Variants in MAP4 observed in about 807,000 individuals in gnomAD.
MAP4 encodes the protein microtubule associated protein 4.
MAP4 carries 76 observed loss-of-function variants against 170.2 expected under a neutral mutation model. That is an observed-to-expected ratio of 0.45 (90% CI 0.37 to 0.54). The LOEUF (loss-of-function observed/expected upper bound fraction) is 0.54. MAP4 is among the 20% of genes least tolerant of loss of function. The pLI, the probability that MAP4 is intolerant of heterozygous loss-of-function variation, is 0.00. For synonymous variants in MAP4, 909 were observed against 994.5 expected, an observed-to-expected ratio of 0.91 and a Z score of 1.62; for missense variants, 2,506 against 2,748.0, an observed-to-expected ratio of 0.91 and a Z score of 1.97.
At chr3:47,915,282 A>G (rs1251161991) in intron 7 of MAP4, among the ~76,000 whole-genome samples, 1 of 151,814 alleles carries the variant, frequency 6.6e-6, no homozygotes, top group East Asian at 1.9e-4. Flanking sequence ...ATGCCCGGCT[A>G]ATTTTGTATT....
intron 3 of MAP4, among the ~76,000 whole-genome samples, chr3:47,942,131 A>G (rs1044722915): frequency 9.9e-5 from 15 of 152,214 alleles, no homozygotes; most frequent in Non-Finnish European, 1.9e-4. Flanking sequence ...GAAAGTCAAG[A>G]AATCCAAGAC....
chr3:48,063,108 A>G (rs954359318), intron 1 of MAP4, among the ~76,000 whole-genome samples: 7 of 152,044 alleles, frequency 4.6e-5, no homozygotes, highest in Non-Finnish European at 1.0e-4. Context: ...CCGTGGTTAA[A>G]AGAAATTATT....
chr3:48,016,678 T>C (rs1379053470), upstream of MAP4, among the ~76,000 whole-genome samples: 1 of 152,182 alleles, frequency 6.6e-6, no homozygotes, highest in African/African-American at 2.4e-5. Context: ...GCATTTTTTT[T>C]AAACTTTACA....
At chr3:47,892,044 C>T in intron 10 of MAP4, 1 of 1,536,224 alleles carries the variant, frequency 6.5e-7, no homozygotes, top group Non-Finnish European at 8.7e-7. Context: ...TTCTTCCCTG[C>T]CACCTTCCCC....
intron 7 of MAP4, among the ~76,000 whole-genome samples, 168 bp downstream of exon 7, chr3:47,915,783 G>C (rs529358464): frequency 7.2e-5 from 11 of 152,332 alleles, no homozygotes; most frequent in Non-Finnish European, 1.6e-4. Context: ...GTTGGAGGTG[G>C]GAGGAGGGTA....
intron 3 of MAP4, among the ~76,000 whole-genome samples, chr3:47,967,468 A>G (rs1003443104): frequency 3.3e-5 from 5 of 152,212 alleles, no homozygotes; most frequent in Non-Finnish European, 7.3e-5. Flanking sequence ...CCTGGCCAAC[A>G]TGGTAAAATG....
At position 47,911,131 on chromosome 3, in the gene MAP4, A is replaced by G; in HGVS notation, c.3290T>C (p.Val1097Ala). The change falls in exon 9 of 21, where the codon GTT becomes GCT. Residue 1097 changes from valine (V) to alanine (A), a missense_variant. Around this residue, in one of 3 missense-constraint regions of MAP4, gnomAD observed 2,008 missense variants for 2,206.0 expected, o/e 0.91. Transcript: ENST00000683076. The surrounding 1 kb of genome is among the most constrained non-coding windows in gnomAD (Gnocchi z 4.0). ...AGAGACTGGCTCACTCGGTATGAGA[A>G]CAGCCCTTCCGTCCTTCTGGCTGTC... Reference protein sequence around the residue: ...LLDSQKDGRAVLIPSEPVSKT... With the variant: ...LLDSQKDGRAALIPSEPVSKT... 6 of 1,536,158 alleles carry G rather than the reference A, an allele frequency of 3.9e-6. No individual in the cohort carries two copies. The South Asian group carries it at 7.1e-5, about 18-fold the overall frequency.
At chr3:47,887,324 C>G (rs567284735) in intron 10 of MAP4, among the ~76,000 whole-genome samples, 1 of 152,212 alleles carries the variant, frequency 6.6e-6, no homozygotes, top group African/African-American at 2.4e-5. Context: ...CTGCTGGCCC[C>G]GGGCAATGGG....
At chr3:48,040,993 C>G (rs1484932374) in intron 1 of MAP4, among the ~76,000 whole-genome samples, 5 of 152,168 alleles carry the variant, frequency 3.3e-5, no homozygotes, top group Non-Finnish European at 7.3e-5. Context: ...AGCCACCATG[C>G]CCAGCCAATA....
intron 1 of MAP4, among the ~76,000 whole-genome samples, chr3:48,005,410 A>C (rs2121754): frequency 0.6 from 91,782 of 151,784 alleles, 28,996 homozygotes; most frequent in East Asian, 0.72. Context: ...AATCTGGAGA[A>C]CAGGCATGGG....
At chr3:47,926,551 C>G (rs1399370503) in intron 4 of MAP4, among the ~76,000 whole-genome samples, 1 of 152,092 alleles carries the variant, frequency 6.6e-6, no homozygotes, top group African/African-American at 2.4e-5. Context: ...ACACATCTAT[C>G]AGGGACAGGG....
At chr3:48,061,560 C>T (rs536003247) in intron 1 of MAP4, among the ~76,000 whole-genome samples, 323 of 150,940 alleles carry the variant, frequency 2.1e-3, no homozygotes, top group African/African-American at 7.2e-3. Context: ...ACCTCCCAGC[C>T]GCCTGCCTTG....
intron 3 of MAP4, chr3:47,975,559 C>A: frequency 1.2e-6 from 1 of 804,166 alleles, no homozygotes; most frequent in South Asian, 1.4e-5. Flanking sequence ...AGTTCAATAT[C>A]ACAAGATGCT....
chr3:47,868,646 C>T (rs376801537), intron 16 of MAP4, among the ~76,000 whole-genome samples: 2 of 152,294 alleles, frequency 1.3e-5, no homozygotes, highest in African/African-American at 4.8e-5. Flanking sequence ...GTGGTTTCAG[C>T]TTACCTCTGC....
upstream of MAP4, among the ~76,000 whole-genome samples, chr3:48,017,922 A>G (rs1332688227): frequency 6.6e-6 from 1 of 152,168 alleles, no homozygotes; most frequent in East Asian, 1.9e-4. Context: ...GAGGGGTGAG[A>G]GGGAGGAGAT....
chr3:47,875,638 CAG>C (rs762378043), intron 12 of MAP4, 45 bp downstream of exon 12: 19 of 1,511,204 alleles, frequency 1.3e-5, no homozygotes, highest in Non-Finnish European at 1.5e-5. Flanking sequence ...ATCTGACACT[CAG>C]AGGGGAACAA....
chr3:47,916,124 T>C lies in MAP4; in HGVS notation c.1703A>G (p.Asn568Ser), dbSNP rs927220888. 6.2e-7 allele frequency: 1 copy of C among 1,614,118 alleles called. No homozygotes were observed. Among genetic ancestry groups the C allele is most frequent in the Non-Finnish European group, 8.5e-7 (1 of 1,180,052 alleles). Residue 568 changes from asparagine to serine, a missense_variant, in exon 7 of 21, where the codon AAC becomes AGC. Coordinates refer to ENST00000683076, the MANE Select transcript of MAP4 (RefSeq NM_001385682.1). ...AACATCTTTGGCTGGAGTCACATTG[T>C]TGGCCAGGGTCAGAACCCCATCCTT... ...LAKDGVLTLANNVTPAKDVPP... is the reference protein window; with the variant it reads ...LAKDGVLTLASNVTPAKDVPP...
At chr3:47,943,284 C>T (rs2100057663) in intron 3 of MAP4, among the ~76,000 whole-genome samples, 1 of 152,122 alleles carries the variant, frequency 6.6e-6, no homozygotes, top group Non-Finnish European at 1.5e-5. Flanking sequence ...CTGTATTAAA[C>T]TAGCAAAAAG....
chr3:47,916,488 C>T lies in MAP4; in HGVS notation c.1339G>A (p.Ala447Thr). 1 of 1,614,196 alleles carries T rather than the reference C, an allele frequency of 6.2e-7. No homozygotes were observed. The highest frequency in any genetic ancestry group is 2.2e-5 in the East Asian group (1 of 44,882). ...TCCGGGGGCAGTGTCATGTCCCTGGCCAGGGCTACCTCTGTTTCTGAGGAC... is the reference window on the plus strand; with the variant it reads ...TCCGGGGGCAGTGTCATGTCCCTGGTCAGGGCTACCTCTGTTTCTGAGGAC... ...ALSSETEVAL[A>T]RDMTLPPETN... Residue 447 changes from alanine (A) to threonine (T), a missense_variant, in exon 7 of 21, where the codon GCC becomes ACC. Around this residue, in one of 3 missense-constraint regions of MAP4, gnomAD observed 2,008 missense variants for 2,206.0 expected, o/e 0.91. Transcript: ENST00000683076.
Sources: gnomAD v4.1 joint callset for allele counts (sites outside exome capture counted in the v4.1 genomes callset) on GRCh38, gnomAD v4.1.1 for gene constraint, gnomAD v4.1.1 regional missense constraint, Gnocchi (gnomAD v3.1) non-coding constraint, MANE v1.5 for transcripts, NCBI Gene and HGNC (gene_info 2026-07-23, HGNC 2026-07-21) for gene names.